CXADR: variants seen among roughly 807,000 people sequenced by gnomAD.
CXADR encodes the protein CXADR cell adhesion molecule, also known as coxsackievirus and adenovirus receptor.
A neutral mutation model predicts 40.3 loss-of-function variants in CXADR; 20 were observed. The ratio of observed to expected loss-of-function variants is 0.50; its 90% CI spans 0.35 to 0.72. The LOEUF (loss-of-function observed/expected upper bound fraction) is 0.72, where lower values mean the gene tolerates loss of function less well. CXADR is among the 30% of genes least tolerant of loss of function. The probability of loss-of-function intolerance (pLI) is 0.01; values close to 1 mark genes in which losing one functional copy is unlikely to be tolerated. For synonymous variants in CXADR, 150 were observed against 161.3 expected, an observed-to-expected ratio of 0.93 and a Z score of 0.53; for missense variants, 332 against 449.1, an observed-to-expected ratio of 0.74 and a Z score of 2.36.
chr21:17,554,409 T>A (rs1212387111), intron 3 of CXADR, among the ~76,000 whole-genome samples: 1 of 152,046 alleles, frequency 6.6e-6, no homozygotes, highest in African/African-American at 2.4e-5. Flanking sequence ...AATGGGTAAG[T>A]GGGAAGCATT....
At position 17,568,677 on chromosome 21, in the gene CXADR, C is replaced by T. The variant is rs138644944; in HGVS notation, c.*2985C>T. The T allele has an allele frequency of 7.4e-5, 73 of 984,884 alleles. No individual in the cohort carries two copies. The highest frequency in any genetic ancestry group is 5.4e-4 in the African/African-American group (31 of 57,154). 61.0% of individuals were successfully genotyped at this position (984,884 alleles called of 1,614,324 possible). ...AATTGCTGGGATTACAGGTGTGAGCCGCAGCATCCAGCCAGTTCTGTACTT... is the reference window on the plus strand; with the variant it reads ...AATTGCTGGGATTACAGGTGTGAGCTGCAGCATCCAGCCAGTTCTGTACTT... On this transcript the variant is annotated 3_prime_UTR_variant, in exon 7 of 7. Coordinates refer to ENST00000284878, the MANE Select transcript of CXADR (RefSeq NM_001338.5).
the CXADR span, chr21:17,599,197 G>A: frequency 3.0e-3 from 579 of 194,446 alleles, 4 homozygotes; most frequent in African/African-American, 0.013. Context: ...ATTTTTTTGA[G>A]ATGGGTTTCA....
the CXADR span, among the ~76,000 whole-genome samples, chr21:17,624,174 C>G: frequency 6.6e-6 from 1 of 152,126 alleles, no homozygotes; most frequent in Non-Finnish European, 1.5e-5. Flanking sequence ...CCAGCCCATG[C>G]TTTCTCCCTC....
chr21:17,570,009 T>A lies in CXADR; in HGVS notation c.*4317T>A. 1.3e-5 allele frequency: 13 copies of A among 985,436 alleles called. No homozygotes were observed. Among genetic ancestry groups the A allele is most frequent in the Non-Finnish European group, 1.6e-5 (13 of 829,922 alleles). 61.0% of individuals were successfully genotyped at this position (985,436 alleles called of 1,614,324 possible). ...GCTTATATATCCAATGGTGCAGATTTTGAAATTTGTAAGAACAAAATTTGT... is the reference window on the plus strand; with the variant it reads ...GCTTATATATCCAATGGTGCAGATTATGAAATTTGTAAGAACAAAATTTGT... On this transcript the variant is annotated 3_prime_UTR_variant, in exon 7 of 7. Transcript: ENST00000284878.
the CXADR span, chr21:17,613,245 T>G: frequency 2.6e-5 from 4 of 152,138 alleles, no homozygotes; most frequent in Non-Finnish European, 5.9e-5. Flanking sequence ...GCGGGCTTGG[T>G]CCTTTCGGCT....
rs2061071324 is a variant in CXADR, at chr21:17,558,958, ATTTGT to A, written c.416-14_416-10del. On this transcript the variant is annotated splice_polypyrimidine_tract_variant and intron_variant, in intron 3 of 6. Transcript: ENST00000284878. ...TTCCATTCTCTTATGTAAATTTATA[ATTTGT>A]TTTCTCTTTCAGTTAAGCCTTCAGG... 1.3e-6 allele frequency: 2 copies of A among 1,596,328 alleles called. No homozygotes were observed. Among genetic ancestry groups the A allele is most frequent in the African/African-American group, 2.7e-5 (2 of 74,260 alleles).
intron 7 of CXADR, among the ~76,000 whole-genome samples, chr21:17,589,602 CTT>C (rs2061420899): frequency 1.3e-5 from 2 of 151,168 alleles, no homozygotes; most frequent in African/African-American, 4.9e-5. Flanking sequence ...TTATTCTACT[CTT>C]TTTTAATGGC....
intron 1 of CXADR, among the ~76,000 whole-genome samples, chr21:17,540,608 G>C (rs1190760548): frequency 6.6e-6 from 1 of 152,136 alleles, no homozygotes; most frequent in Non-Finnish European, 1.5e-5. Flanking sequence ...TTCTTACTCT[G>C]ATTTTCCTGA....
intron 1 of CXADR, among the ~76,000 whole-genome samples, chr21:17,522,961 A>T (rs1158884753): frequency 6.6e-6 from 1 of 152,156 alleles, no homozygotes; most frequent in Non-Finnish European, 1.5e-5. Flanking sequence ...CCCAGGCAAA[A>T]ATATGAATAT....
At position 17,577,612 on chromosome 21, in the gene CXADR, C is replaced by CTTTTTT. The variant is rs532541050; in HGVS notation, c.1017+12024_1017+12029dup. On this transcript the variant is annotated intron_variant, in intron 7 of 7. Transcript: ENST00000400169. ...CTCACACGTCAGACCATTCTGCAAG[C>CTTTTTT]TTTTTTTTTTTTTTTTTTTTTTTTT... 2.2e-3 allele frequency among the ~76,000 whole-genome samples: 80 copies of CTTTTTT among 36,578 alleles called. 9 individuals are homozygous for CTTTTTT. In the East Asian group the frequency reaches 0.059, roughly 27 times the overall value. The allele number at this position is 36,578 out of a possible 152,430, so 24.0% of individuals were successfully genotyped here. A position where few individuals can be genotyped will look rare whatever the true frequency, so the allele number is the denominator to read the frequency against.
At chr21:17,580,775 G>C (rs1057428712) in intron 7 of CXADR, among the ~76,000 whole-genome samples, 1 of 152,066 alleles carries the variant, frequency 6.6e-6, no homozygotes, top group African/African-American at 2.4e-5. Flanking sequence ...TTTTGAGACA[G>C]AGTCTTGCTC....
intron 1 of CXADR, among the ~76,000 whole-genome samples, chr21:17,541,275 G>A (rs750610495): frequency 7.2e-5 from 11 of 152,128 alleles, no homozygotes; most frequent in Non-Finnish European, 1.6e-4. Flanking sequence ...TGTTCCGGCT[G>A]GGCGCGGTGG....
chr21:17,635,464 C>A, the CXADR span, among the ~76,000 whole-genome samples: 26,375 of 152,044 alleles, frequency 0.17, 2,700 homozygotes, highest in East Asian at 0.22. Context: ...ATTTATGTCA[C>A]CAGCAGGTAA....
intron 6 of CXADR, among the ~76,000 whole-genome samples, chr21:17,562,539 C>G (rs1273694820): frequency 6.6e-6 from 1 of 152,216 alleles, no homozygotes; most frequent in Non-Finnish European, 1.5e-5. Context: ...CAAGGGTGGT[C>G]TCGAACTCCT....
At chr21:17,618,027 C>T in the CXADR span, among the ~76,000 whole-genome samples, 1 of 152,290 alleles carries the variant, frequency 6.6e-6, no homozygotes, top group East Asian at 1.9e-4. Flanking sequence ...ATGTTCGTAG[C>T]ATCTTCACTA....
At chr21:17,529,953 T>C (rs2060649547) in intron 1 of CXADR, among the ~76,000 whole-genome samples, 2 of 151,678 alleles carry the variant, frequency 1.3e-5, no homozygotes, top group Admixed American at 6.6e-5. Flanking sequence ...CTTTTTCTTT[T>C]TTTTTTTTAA....
intron 2 of CXADR, among the ~76,000 whole-genome samples, chr21:17,551,313 T>C (rs375497174): frequency 6.6e-6 from 1 of 152,076 alleles, no homozygotes; most frequent in East Asian, 1.9e-4. Context: ...GGCGAGAGAA[T>C]TGCTTGAACC....
chr21:17,533,343 G>C (rs766731788), intron 1 of CXADR, among the ~76,000 whole-genome samples: 1 of 152,172 alleles, frequency 6.6e-6, no homozygotes, highest in Non-Finnish European at 1.5e-5. Flanking sequence ...TAGAAGAAGA[G>C]TATAAATTCC....
downstream of CXADR, among the ~76,000 whole-genome samples, chr21:17,573,166 T>G (rs1276169788): frequency 2.0e-5 from 3 of 151,970 alleles, no homozygotes; most frequent in Admixed American, 6.6e-5. Flanking sequence ...CCTCTATGCA[T>G]GTCTACCACC....
Sources: gnomAD v4.1 joint callset for allele counts (sites outside exome capture counted in the v4.1 genomes callset) on GRCh38, gnomAD v4.1.1 for gene constraint, MANE v1.5 for transcripts, NCBI Gene and HGNC (gene_info 2026-07-23, HGNC 2026-07-21) for gene names.